Variants in SLCO1B1 observed in about 807,000 individuals in gnomAD.
SLCO1B1 encodes the protein OATP-2.
SLCO1B1 carries 81 observed loss-of-function variants against 70.1 expected under a neutral mutation model. The observed-to-expected ratio is 1.16, with a 90% CI of 0.97 to 1.39. SLCO1B1 has a LOEUF of 1.39. Among genes scored for constraint, SLCO1B1 ranks in the 40% most tolerant of loss-of-function variants. The pLI is 0.00. For missense variants in SLCO1B1, 895 were observed against 799.6 expected (o/e 1.12, Z -1.44); for synonymous variants, 283 against 271.5 (o/e 1.04, Z -0.42).
intron 8 of SLCO1B1, among the ~76,000 whole-genome samples, chr12:21,199,851 G>T (rs1941135515): frequency 2.0e-5 from 3 of 151,928 alleles, no homozygotes; most frequent in African/African-American, 7.3e-5. Flanking sequence ...GCCTAGGCTG[G>T]AGTGCAGTGT....
intron 2 of SLCO1B1, among the ~76,000 whole-genome samples, chr12:21,143,293 T>A (rs11045785): frequency 0.13 from 19,792 of 152,076 alleles, 1,788 homozygotes; most frequent in Middle Eastern, 0.23. Flanking sequence ...GCTGAAAATA[T>A]ATTGACTTTT....
At chr12:21,207,242 G>A (rs981716210) in intron 11 of SLCO1B1, among the ~76,000 whole-genome samples, 4 of 151,926 alleles carry the variant, frequency 2.6e-5, no homozygotes, top group South Asian at 4.1e-4. Context: ...CATCCCCCAG[G>A]TAGTGAGCAT....
chr12:21,222,614 A>T (rs915578514), intron 13 of SLCO1B1, among the ~76,000 whole-genome samples: 2 of 151,762 alleles, frequency 1.3e-5, no homozygotes, highest in African/African-American at 4.8e-5. Context: ...ATTGTTAATT[A>T]TACATAAAGT....
chr12:21,151,998 C>A (rs1272283190), intron 2 of SLCO1B1, among the ~76,000 whole-genome samples: 1 of 151,976 alleles, frequency 6.6e-6, no homozygotes, highest in Non-Finnish European at 1.5e-5. Flanking sequence ...ATTTCTCCTT[C>A]TAGTGATTCC....
intron 11 of SLCO1B1, among the ~76,000 whole-genome samples, chr12:21,215,791 C>T (rs1048410358): frequency 6.6e-6 from 1 of 152,102 alleles, no homozygotes. Context: ...TGGGTACTCA[C>T]TCTTTTTTGT....
At chr12:21,157,501 A>G (rs1039536857) in intron 2 of SLCO1B1, among the ~76,000 whole-genome samples, 1 of 152,184 alleles carries the variant, frequency 6.6e-6, no homozygotes, top group Non-Finnish European at 1.5e-5. Flanking sequence ...AATGATATAC[A>G]CAGCATTCTA....
In SLCO1B1 at chr12:21,196,973, C is replaced by A. The variant is rs1247336816; in HGVS notation, c.755C>A (p.Ser252Tyr). ...LSTIRITPTD[S>Y]RWVGAWWLNF... ...ACTATCAGGATAACTCCTACTGATT[C>A]TCGATGGGTTGGAGCTTGGTGGCTT... Residue 252 changes from serine (S) to tyrosine (Y), a missense_variant, in exon 8 of 15, where the codon TCT (serine) becomes TAT (tyrosine). By Grantham distance (144) the Ser-to-Tyr change is moderately radical. Transcript: ENST00000256958. 6.2e-7 allele frequency: 1 copy of A among 1,613,476 alleles called. No homozygotes were observed. Among genetic ancestry groups the A allele is most frequent in the Non-Finnish European group, 8.5e-7 (1 of 1,179,530 alleles).
intron 1 of SLCO1B1, among the ~76,000 whole-genome samples, chr12:21,133,907 T>G (rs953540764): frequency 1.3e-5 from 2 of 152,214 alleles, no homozygotes; most frequent in Non-Finnish European, 2.9e-5. Context: ...CCCTGTCTTG[T>G]GCCCGTTTTC....
chr12:21,162,033 ATT>A (rs1487020232), intron 2 of SLCO1B1, among the ~76,000 whole-genome samples: 1 of 151,498 alleles, frequency 6.6e-6, no homozygotes, highest in African/African-American at 2.4e-5. Flanking sequence ...AATAAAAAAG[ATT>A]TTAAATAATA....
At chr12:21,232,851 A>C (rs956509862) in intron 14 of SLCO1B1, among the ~76,000 whole-genome samples, 3 of 152,116 alleles carry the variant, frequency 2.0e-5, no homozygotes, top group Admixed American at 1.3e-4. Context: ...TGCAGCTTCC[A>C]GAAGAATGAA....
intron 2 of SLCO1B1, among the ~76,000 whole-genome samples, chr12:21,167,452 A>C (rs1591806172): frequency 6.6e-6 from 1 of 151,944 alleles, no homozygotes; most frequent in Non-Finnish European, 1.5e-5. Context: ...ATGTTGTGGA[A>C]CTCTTATTAG....
At chr12:21,178,092 C>G (rs1005511422) in intron 5 of SLCO1B1, among the ~76,000 whole-genome samples, 3 of 152,058 alleles carry the variant, frequency 2.0e-5, no homozygotes, top group African/African-American at 4.8e-5. Context: ...TGTGTCCCCA[C>G]TCAAATATCA....
intron 1 of SLCO1B1, among the ~76,000 whole-genome samples, chr12:21,141,189 G>C (rs1940302435): frequency 1.3e-5 from 2 of 151,798 alleles, no homozygotes; most frequent in Admixed American, 1.3e-4. Flanking sequence ...TTACAATATA[G>C]GTGTGTAGAA....
At chr12:21,135,331 C>T (rs1940202395) in intron 1 of SLCO1B1, among the ~76,000 whole-genome samples, 1 of 152,116 alleles carries the variant, frequency 6.6e-6, no homozygotes, top group South Asian at 2.1e-4. Context: ...GTGGAGAGTT[C>T]TGTAGATGTC....
At chr12:21,152,590 T>A (rs1940489287) in intron 2 of SLCO1B1, among the ~76,000 whole-genome samples, 1 of 126,712 alleles carries the variant, frequency 7.9e-6, no homozygotes, top group African/African-American at 2.8e-5. Flanking sequence ...TTTTTTAGTA[T>A]TTTTTTTCCT....
chr12:21,196,577 G>A (rs2121138926), intron 7 of SLCO1B1, among the ~76,000 whole-genome samples: 1 of 152,100 alleles, frequency 6.6e-6, no homozygotes, highest in East Asian at 1.9e-4. Context: ...GATTTTATTA[G>A]CTTGTGCCAA....
intron 8 of SLCO1B1, among the ~76,000 whole-genome samples, chr12:21,198,479 G>GACA (rs1250633045): frequency 6.6e-6 from 1 of 151,988 alleles, no homozygotes; most frequent in African/African-American, 2.4e-5. Flanking sequence ...AAACCTATAA[G>GACA]GAGCGGGGTT....
intron 1 of SLCO1B1, among the ~76,000 whole-genome samples, chr12:21,137,290 G>T (rs1450542862): frequency 6.6e-6 from 1 of 152,170 alleles, no homozygotes; most frequent in Non-Finnish European, 1.5e-5. Context: ...GGACCCACTT[G>T]AGGAGGCAGT....
At chr12:21,147,573 G>A (rs1323982380) in intron 2 of SLCO1B1, among the ~76,000 whole-genome samples, 1 of 152,060 alleles carries the variant, frequency 6.6e-6, no homozygotes, top group East Asian at 1.9e-4. Context: ...GAGAATGATG[G>A]TTTCCAGCTT....
Sources: gnomAD v4.1 joint callset for allele counts (sites outside exome capture counted in the v4.1 genomes callset) on GRCh38, gnomAD v4.1.1 for gene constraint, MANE v1.5 for transcripts, NCBI Gene and HGNC (gene_info 2026-07-23, HGNC 2026-07-21) for gene names.